Variants in WWOX observed in about 807,000 individuals in gnomAD.
WWOX encodes WW domain containing oxidoreductase.
In WWOX, 69 loss-of-function variants were observed where a neutral mutation model predicts 46.2. That is an observed-to-expected ratio of 1.49 (90% confidence interval 1.23 to 1.82). The LOEUF (loss-of-function observed/expected upper bound fraction) is 1.82. Ranked by LOEUF, WWOX falls within the 40% of genes most tolerant of loss-of-function variation. The pLI is 0.00. For synonymous variants in WWOX, 359 were observed against 202.6 expected (o/e 1.77, Z -6.56); for missense variants, 919 against 542.6 (o/e 1.69, Z -6.89).
intron 5 of WWOX, among the ~76,000 whole-genome samples, chr16:78,358,075 T>A (rs1376941817): frequency 6.6e-6 from 1 of 152,174 alleles, no homozygotes; most frequent in Non-Finnish European, 1.5e-5. Context: ...CTGCATACAC[T>A]TGGAACTAGT....
intron 8 of WWOX, among the ~76,000 whole-genome samples, chr16:78,690,915 G>C (rs1024026370): frequency 6.6e-6 from 1 of 152,142 alleles, no homozygotes; most frequent in East Asian, 1.9e-4. Context: ...GCAGGTGGCC[G>C]AAGCCTTTGT....
intron 8 of WWOX, among the ~76,000 whole-genome samples, chr16:78,843,426 A>G (rs997579744): frequency 2.0e-5 from 3 of 150,014 alleles, no homozygotes; most frequent in South Asian, 2.2e-4. Context: ...TATGCTGCTA[A>G]GATGCGAATG....
At chr16:78,674,136 T>C (rs899282973) in intron 8 of WWOX, among the ~76,000 whole-genome samples, 11 of 152,164 alleles carry the variant, frequency 7.2e-5, no homozygotes, top group Admixed American at 6.5e-4. Context: ...GGAAATAAAA[T>C]CCAACAGCTC....
At chr16:79,046,236 C>T (rs972787244) in intron 8 of WWOX, among the ~76,000 whole-genome samples, 7 of 152,190 alleles carry the variant, frequency 4.6e-5, no homozygotes, top group African/African-American at 7.2e-5. Flanking sequence ...AGTTCATTTT[C>T]TCTGCATTTG....
intron 5 of WWOX, among the ~76,000 whole-genome samples, chr16:78,353,622 A>G (rs1567518660): frequency 6.6e-6 from 1 of 152,238 alleles, no homozygotes; most frequent in Non-Finnish European, 1.5e-5. Flanking sequence ...GGGGATAATT[A>G]GTATTATCTT....
At chr16:78,354,073 A>G (rs1420341713) in intron 5 of WWOX, among the ~76,000 whole-genome samples, 1 of 152,178 alleles carries the variant, frequency 6.6e-6, no homozygotes, top group African/African-American at 2.4e-5. Flanking sequence ...GCACCTTTTA[A>G]TTCCTGGATG....
chr16:78,870,375 C>G (rs958988847), intron 8 of WWOX, among the ~76,000 whole-genome samples: 2 of 152,068 alleles, frequency 1.3e-5, no homozygotes, highest in African/African-American at 4.8e-5. Context: ...AGGACATCTC[C>G]CCTGACCTTC....
At chr16:78,298,550 G>C (rs1190350270) in intron 5 of WWOX, among the ~76,000 whole-genome samples, 3 of 152,260 alleles carry the variant, frequency 2.0e-5, no homozygotes, top group African/African-American at 7.2e-5. Flanking sequence ...CCCGCAGTTT[G>C]GGAGGCCGAG....
At chr16:78,538,205 C>G (rs1377645878) in intron 8 of WWOX, among the ~76,000 whole-genome samples, 2 of 109,902 alleles carry the variant, frequency 1.8e-5, no homozygotes, top group Non-Finnish European at 3.3e-5. Context: ...TTTAATTAAG[C>G]TATCACTCAC....
At chr16:78,657,877 C>T (rs1482254243) in intron 8 of WWOX, among the ~76,000 whole-genome samples, 1 of 151,932 alleles carries the variant, frequency 6.6e-6, no homozygotes, top group Non-Finnish European at 1.5e-5. Flanking sequence ...GAGTAGTGTG[C>T]AGAGCCTGGC....
intron 8 of WWOX, among the ~76,000 whole-genome samples, chr16:78,941,452 G>C (rs552412129): frequency 6.6e-6 from 1 of 150,440 alleles, no homozygotes; most frequent in Non-Finnish European, 1.5e-5. Context: ...ACCTTCCTCC[G>C]AACAAAGTCC....
chr16:78,520,075 T>G (rs1366366551), intron 8 of WWOX, among the ~76,000 whole-genome samples: 6 of 152,190 alleles, frequency 3.9e-5, no homozygotes, highest in Non-Finnish European at 8.8e-5. Flanking sequence ...ATTCACTTAG[T>G]TTCGAAAGGT....
At chr16:79,037,933 C>T (rs2047899557) in intron 8 of WWOX, among the ~76,000 whole-genome samples, 1 of 152,164 alleles carries the variant, frequency 6.6e-6, no homozygotes, top group Non-Finnish European at 1.5e-5. Context: ...GAAAAGCACT[C>T]ACACTCGCAT....
At chr16:78,774,061 G>A (rs1025032894) in intron 8 of WWOX, among the ~76,000 whole-genome samples, 1 of 152,158 alleles carries the variant, frequency 6.6e-6, no homozygotes, top group African/African-American at 2.4e-5. Context: ...TTCCTTGAAG[G>A]AAGCCCGTCT....
chr16:78,309,314 T>G (rs1286424795), intron 5 of WWOX, among the ~76,000 whole-genome samples: 5 of 152,228 alleles, frequency 3.3e-5, no homozygotes, highest in African/African-American at 4.8e-5. Flanking sequence ...CCTGGTGCTT[T>G]GCTTCCACTC....
chr16:78,856,702 C>T (rs773897430), intron 8 of WWOX, among the ~76,000 whole-genome samples: 2 of 152,100 alleles, frequency 1.3e-5, no homozygotes, highest in Non-Finnish European at 2.9e-5. Context: ...GCATATAATT[C>T]AGTACTTTAA....
At chr16:78,709,829 A>G (rs1446681860) in intron 8 of WWOX, among the ~76,000 whole-genome samples, 2 of 151,730 alleles carry the variant, frequency 1.3e-5, no homozygotes, top group African/African-American at 4.8e-5. Context: ...TCTGGGTTCA[A>G]GTGATTCTCC....
intron 8 of WWOX, among the ~76,000 whole-genome samples, chr16:78,835,205 C>T (rs948789798): frequency 6.6e-6 from 1 of 152,078 alleles, no homozygotes; most frequent in African/African-American, 2.4e-5. Context: ...TTATAGTGGC[C>T]TTCTTACCAC....
At chr16:78,628,665 A>C (rs1330572324) in intron 8 of WWOX, among the ~76,000 whole-genome samples, 1 of 152,156 alleles carries the variant, frequency 6.6e-6, no homozygotes, top group Admixed American at 6.5e-5. Context: ...TGCAAAATAA[A>C]CACCATGGTC....
Sources: gnomAD v4.1 joint callset for allele counts (sites outside exome capture counted in the v4.1 genomes callset) on GRCh38, gnomAD v4.1.1 for gene constraint, MANE v1.5 for transcripts, NCBI Gene and HGNC (gene_info 2026-07-23, HGNC 2026-07-21) for gene names.